ZNF454: variants seen among roughly 807,000 people sequenced by gnomAD.
ZNF454 encodes the protein zinc finger protein 454.
Under a neutral mutation model 48.2 loss-of-function variants are expected in ZNF454, and 30 were observed. That is an observed-to-expected ratio of 0.62 (90% CI 0.47 to 0.84). The LOEUF (loss-of-function observed/expected upper bound fraction) is 0.84, where lower values mean the gene tolerates loss of function less well. Among genes scored for constraint, ZNF454 ranks in the 40% least tolerant of loss-of-function variants. The pLI is 0.00. For missense variants in ZNF454, 510 were observed against 623.1 expected, an observed-to-expected ratio of 0.82 and a Z score of 1.93; for synonymous variants, 204 against 211.4, an observed-to-expected ratio of 0.97 and a Z score of 0.30.
chr5:178,983,110 T>G, the ZNF454 span: 4 of 1,614,032 alleles, frequency 2.5e-6, no homozygotes, highest in South Asian at 4.4e-5. Flanking sequence ...AGATCCGACA[T>G]GTCGCACTTG....
At chr5:178,986,021 A>G in the ZNF454 span, 1 of 1,033,688 alleles carries the variant, frequency 9.7e-7, no homozygotes, top group South Asian at 1.6e-5. Flanking sequence ...CTCAGCCTCC[A>G]AAGGTGCTGG....
At chr5:178,970,331 T>C (rs1364359818), downstream of ZNF454, among the ~76,000 whole-genome samples, 3 of 152,200 alleles carry the variant, frequency 2.0e-5, no homozygotes, top group Non-Finnish European at 4.4e-5. Flanking sequence ...GGCTCCCTGC[T>C]TCTTGGCCCA....
chr5:178,978,072 A>T, the ZNF454 span, among the ~76,000 whole-genome samples: 1 of 152,238 alleles, frequency 6.6e-6, no homozygotes. Context: ...TGTAATAAGC[A>T]TCAGTATTCC....
intron 2 of ZNF454, 22 bp downstream of exon 2, chr5:178,942,846 C>G (rs896570686): frequency 5.6e-6 from 9 of 1,608,046 alleles, no homozygotes; most frequent in Non-Finnish European, 7.6e-6. Flanking sequence ...TTTCTTCCCC[C>G]TAAATTGCTT....
chr5:178,971,192 A>G (rs1236977467), downstream of ZNF454, among the ~76,000 whole-genome samples: 1 of 152,222 alleles, frequency 6.6e-6, no homozygotes, highest in African/African-American at 2.4e-5. Context: ...CAATATTCCT[A>G]GAGACAGGAG....
chr5:178,985,642 G>A, the ZNF454 span: 6 of 380,460 alleles, frequency 1.6e-5, no homozygotes, highest in Non-Finnish European at 3.1e-5. Flanking sequence ...GGCAGAGCTT[G>A]CAGGGAGCTG....
chr5:178,964,151 C>T (rs1281559835), intron 4 of ZNF454, among the ~76,000 whole-genome samples: 7 of 150,662 alleles, frequency 4.6e-5, no homozygotes, highest in African/African-American at 1.5e-4. Flanking sequence ...GACGGAGTCT[C>T]ACTCTGTCAC....
At chr5:178,987,034 G>A in the ZNF454 span, 2 of 1,590,728 alleles carry the variant, frequency 1.3e-6, no homozygotes, top group Non-Finnish European at 1.7e-6. Flanking sequence ...AGCAGAGCTG[G>A]CCTCCTGGGG....
chr5:178,988,826 C>T, the ZNF454 span: 29 of 869,596 alleles, frequency 3.3e-5, no homozygotes, highest in East Asian at 7.7e-4. The surrounding 1 kb of genome is among the most constrained non-coding windows in gnomAD (Gnocchi z 6.0). Flanking sequence ...CCCCATTAGA[C>T]CACTCAGCCT....
intron 4 of ZNF454, among the ~76,000 whole-genome samples, chr5:178,957,558 T>C (rs1053430431): frequency 3.3e-5 from 5 of 152,042 alleles, no homozygotes; most frequent in Non-Finnish European, 4.4e-5. Flanking sequence ...TACAGTCGCC[T>C]GCCACCACGT....
intron 4 of ZNF454, among the ~76,000 whole-genome samples, chr5:178,951,556 T>C (rs1037300018): frequency 2.6e-5 from 4 of 152,212 alleles, no homozygotes; most frequent in Non-Finnish European, 5.9e-5. Flanking sequence ...TACTTTACTG[T>C]AGAAACCTTT....
the ZNF454 span, among the ~76,000 whole-genome samples, chr5:178,973,546 A>G: frequency 1.3e-5 from 2 of 152,070 alleles, no homozygotes; most frequent in African/African-American, 4.8e-5. Context: ...TGATTAAAAA[A>G]AATAGAGGTT....
chr5:178,986,764 C>T, the ZNF454 span: 1 of 1,609,694 alleles, frequency 6.2e-7, no homozygotes, highest in Non-Finnish European at 8.5e-7. Flanking sequence ...CTGGGACGCA[C>T]AAAACACAGG....
intron 4 of ZNF454, among the ~76,000 whole-genome samples, chr5:178,949,385 A>G (rs1271934775): frequency 2.0e-5 from 3 of 151,774 alleles, no homozygotes; most frequent in African/African-American, 7.3e-5. Context: ...GCTGATCTCA[A>G]ACTCTGGACT....
chr5:178,946,381 TG>T lies in ZNF454; in HGVS notation c.58del (p.Ala20LeufsTer12). ...MVQESVTFKD[V>X]AILFTQEEWG... The stretch of plus-strand genomic sequence containing the variant: ...CAGGAATCGGTGACCTTCAAGGATG[TG>T]GCTATACTGTTCACCCAGGAAGAGT... On this transcript the variant is annotated frameshift_variant, in exon 3 of 5. Coordinates refer to ENST00000519564, the MANE Select transcript of ZNF454 (RefSeq NM_001178089.3). LOFTEE classifies it high-confidence loss of function. The surrounding 1 kb of genome is among the most constrained non-coding windows in gnomAD (Gnocchi z 4.5). 1 of 1,612,766 alleles carries T rather than the reference TG, an allele frequency of 6.2e-7. No homozygotes were observed. The highest frequency in any genetic ancestry group is 8.5e-7 in the Non-Finnish European group (1 of 1,179,412).
downstream of ZNF454, among the ~76,000 whole-genome samples, chr5:178,970,799 T>C (rs1025310686): frequency 2.6e-5 from 4 of 152,200 alleles, no homozygotes; most frequent in Admixed American, 2.6e-4. Flanking sequence ...GTGCCCAGTT[T>C]CTAAGATGTA....
Position 178,941,519 on chromosome 5 carries a change from A to G in ZNF454, c.-108+75A>G. ...TCCTGGGCTGAGGGTCGAGTCTGTG[A>G]GTGCCTGTGGAGGAGATGGAGCCAG... On this transcript the variant is annotated intron_variant, in intron 1 of 4. Coordinates refer to ENST00000519564, the MANE Select transcript of ZNF454 (RefSeq NM_001178089.3). This position sits in a 1 kb window ranked among gnomAD's most constrained non-coding sequence, Gnocchi z 5.5. 1 of 456,528 alleles carries G rather than the reference A, an allele frequency of 2.2e-6. No individual in the cohort carries two copies. The highest frequency in any genetic ancestry group is 4.4e-6 in the Non-Finnish European group (1 of 226,878). The allele number at this position is 456,528 out of a possible 1,614,324, so 28.3% of individuals were successfully genotyped here.
intron 4 of ZNF454, chr5:178,948,157 C>T (rs755974275): frequency 3.9e-5 from 6 of 152,086 alleles, no homozygotes; most frequent in East Asian, 1.9e-4. Context: ...TTAAGTGATT[C>T]GCCCCCCTCA....
At chr5:178,989,233 T>G in the ZNF454 span, 3 of 1,033,356 alleles carry the variant, frequency 2.9e-6, no homozygotes, top group Non-Finnish European at 4.0e-6. Context: ...CTCCCCACCC[T>G]CCCCACCCTC....
Sources: gnomAD v4.1 joint callset for allele counts (sites outside exome capture counted in the v4.1 genomes callset) on GRCh38, gnomAD v4.1.1 for gene constraint, Gnocchi (gnomAD v3.1) non-coding constraint, MANE v1.5 for transcripts, NCBI Gene and HGNC (gene_info 2026-07-23, HGNC 2026-07-21) for gene names.